Variants in EPHB4 observed in about 807,000 individuals in gnomAD.
EPHB4 encodes the protein EPH receptor B4, also known as ephrin type-B receptor 4.
EPHB4 carries 50 observed loss-of-function variants against 110.6 expected under a neutral mutation model. The ratio of observed to expected loss-of-function variants is 0.45; its 90% CI spans 0.36 to 0.57. The LOEUF (loss-of-function observed/expected upper bound fraction) is 0.57. Among genes scored for constraint, EPHB4 ranks in the 20% least tolerant of loss-of-function variants. The probability of loss-of-function intolerance (pLI) is 0.00; values close to 1 mark genes in which losing one functional copy is unlikely to be tolerated. For synonymous variants in EPHB4, 592 were observed against 578.4 expected (o/e 1.02, Z -0.34); for missense variants, 1,128 against 1,382.1 (o/e 0.82, Z 2.91).
chr7:100,826,253 C>A (rs1562975875), intron 1 of EPHB4, among the ~76,000 whole-genome samples: 1 of 151,904 alleles, frequency 6.6e-6, no homozygotes, highest in Non-Finnish European at 1.5e-5. Flanking sequence ...TTAGTTAGGG[C>A]GATGTGGGGG....
chr7:100,822,688 C>G lies in EPHB4; in HGVS notation c.412-21G>C. Reference sequence around the variant, plus strand: ...TCCACCTGCCGGCGGGGGGGAGGCACACCGCTGCTGTCCCCACTCCCTGAG... The same window carrying G: ...TCCACCTGCCGGCGGGGGGGAGGCAGACCGCTGCTGTCCCCACTCCCTGAG... On this transcript the variant is annotated intron_variant, in intron 3 of 16. Transcript: ENST00000358173. This position sits in a 1 kb window ranked among gnomAD's most constrained non-coding sequence, Gnocchi z 4.7. The G allele has an allele frequency of 6.6e-7, 1 of 1,524,796 alleles. No individual in the cohort carries two copies. The highest frequency in any genetic ancestry group is 8.8e-7 in the Non-Finnish European group (1 of 1,131,786). 94.5% of individuals were successfully genotyped at this position (1,524,796 alleles called of 1,614,324 possible). A position where few individuals can be genotyped will look rare whatever the true frequency, so the allele number is the denominator to read the frequency against.
chr7:100,825,449 C>CGCAGCCCAGAGCA (rs1488551350), intron 1 of EPHB4: 1 of 152,252 alleles, frequency 6.6e-6, no homozygotes, highest in East Asian at 1.9e-4. Flanking sequence ...TCGGGCTGTC[C>CGCAGCCCAGAGCA]GCAGCCCAGA....
At chr7:100,816,058 G>A (rs984033702) in intron 8 of EPHB4, among the ~76,000 whole-genome samples, 1 of 151,854 alleles carries the variant, frequency 6.6e-6, no homozygotes, top group Admixed American at 6.6e-5. Context: ...GGAAGCCGAG[G>A]CGGGTGGATC....
At chr7:100,823,119 T>TA (rs1813280412) in intron 3 of EPHB4, among the ~76,000 whole-genome samples, 1 of 152,050 alleles carries the variant, frequency 6.6e-6, no homozygotes, top group Non-Finnish European at 1.5e-5. Flanking sequence ...GACCCCGCTT[T>TA]AAAAATATAG....
At position 100,827,071 on chromosome 7, in the gene EPHB4, G is replaced by A; in HGVS notation, c.-41C>T. 1 of 1,554,488 alleles carries A rather than the reference G, an allele frequency of 6.4e-7. No homozygotes were observed. ...GGGTAGGATCCGAACTGAGTTTGGG[G>A]GGCCCTCGCCCCCCCAGGTCTGACT... is the stretch of plus-strand genomic sequence containing the variant. On this transcript the variant is annotated 5_prime_UTR_variant, in exon 1 of 17. Coordinates refer to ENST00000358173, the MANE Select transcript of EPHB4 (RefSeq NM_004444.5).
intron 12 of EPHB4, among the ~76,000 whole-genome samples, chr7:100,808,877 C>T (rs1017895614): frequency 5.9e-5 from 9 of 152,204 alleles, no homozygotes; most frequent in Non-Finnish European, 1.2e-4. Flanking sequence ...GGCAACACCA[C>T]CACTTGCCAG....
rs976435393 is a variant in EPHB4, at chr7:100,822,127, A to G, written c.808+144T>C. The G allele has an allele frequency of 2.9e-5, 35 of 1,210,894 alleles. 1 individual carries two copies. The highest frequency in any genetic ancestry group is 1.6e-4 in the South Asian group (10 of 62,942). The allele number at this position is 1,210,894 out of a possible 1,614,324, so 75.0% of individuals were successfully genotyped here. On this transcript the variant is annotated intron_variant, in intron 4 of 16. Coordinates refer to ENST00000358173, the MANE Select transcript of EPHB4 (RefSeq NM_004444.5). The surrounding 1 kb of genome is among the most constrained non-coding windows in gnomAD (Gnocchi z 4.7). ...GTTGCAGTTGAGCAGAGATTGTGCC[A>G]CTGCACTCCAGCCTGGGTGACAGAG...
rs368384954 is a variant in EPHB4, at chr7:100,814,025, C to T, written c.1589-4G>A. On this transcript the variant is annotated splice_polypyrimidine_tract_variant and splice_region_variant and intron_variant, in intron 8 of 16. Transcript: ENST00000358173. ...TGCTCCCGCCAGCCCTCGCTCTCTG[C>T]GGAAGGAAAGGCTGCTGATCAGGAG... 133 of 1,613,472 alleles carry T rather than the reference C, an allele frequency of 8.2e-5. 1 individual carries two copies. In the Middle Eastern group the frequency reaches 3.1e-3, roughly 38 times the overall value.
intron 16 of EPHB4, among the ~76,000 whole-genome samples, chr7:100,804,144 GCAC>G (rs1331053442): frequency 6.6e-6 from 1 of 151,970 alleles, no homozygotes; most frequent in Non-Finnish European, 1.5e-5. Flanking sequence ...CCACAGGCAC[GCAC>G]CACCATGCCC....
In EPHB4 at chr7:100,805,235, C is replaced by T; in HGVS notation, c.2765G>A (p.Gly922Glu). The change falls in exon 16 of 17, where the codon GGA (glycine) becomes GAA (glutamate). Residue 922 changes from glycine to glutamate, a missense_variant. Gly to Glu is a moderately conservative substitution (Grantham distance 98). This residue lies in a region of EPHB4 where 209 missense variants were observed against 240.5 expected (regional missense o/e 0.87). Coordinates refer to ENST00000358173, the MANE Select transcript of EPHB4 (RefSeq NM_004444.5). ...VGEWLRAIKMGRYEESFAAAG... is the reference protein window; with the variant it reads ...VGEWLRAIKMERYEESFAAAG... ...GGCTGCGAAACTTTCTTCGTATCTTCCCATTTTGATGGCCCGAAGCCACTC... is the reference window on the plus strand; with the variant it reads ...GGCTGCGAAACTTTCTTCGTATCTTTCCATTTTGATGGCCCGAAGCCACTC... The T allele has an allele frequency of 6.2e-7, 1 of 1,613,584 alleles. No individual in the cohort carries two copies. Among genetic ancestry groups the T allele is most frequent in the Non-Finnish European group, 8.5e-7 (1 of 1,179,824 alleles).
At position 100,813,684 on chromosome 7, in the gene EPHB4, G is replaced by A. The variant is rs60537976; in HGVS notation, c.1724C>T (p.Ser575Leu). 16 of 1,613,962 alleles carry A rather than the reference G, an allele frequency of 9.9e-6. No homozygotes were observed. Among genetic ancestry groups the A allele is most frequent in the East Asian group, 2.2e-5 (1 of 44,886 alleles). The stretch of plus-strand genomic sequence containing the variant: ...GATGAGATACTGTCCGTGTTTGTCC[G>A]AATATTCTGCTTCTCTCCCATTGCT... ...KQSNGREAEY[S>L]DKHGQYLIGH... Residue 575 changes from serine to leucine, a missense_variant, in exon 10 of 17, where the codon TCG becomes TTG. By Grantham distance (145) the Ser-to-Leu change is moderately radical. This residue lies in a region of EPHB4 where 728 missense variants were observed against 828.6 expected (regional missense o/e 0.88). Transcript: ENST00000358173.
In EPHB4 at chr7:100,823,804, A is replaced by ACGG. The variant is rs1813303324; in HGVS notation, c.248_250dup (p.Ala83dup). The ACGG allele has an allele frequency of 6.2e-7, 1 of 1,613,212 alleles. No individual in the cohort carries two copies. The highest frequency in any genetic ancestry group is 1.7e-5 in the Admixed American group (1 of 60,016). On this transcript the variant is annotated inframe_insertion, in exon 3 of 17. Coordinates refer to ENST00000358173, the MANE Select transcript of EPHB4 (RefSeq NM_004444.5). ...GAAGCGCAGCGTGGCGTACACGTGG[A>ACGG]CGGCGCCCCGCCGTGGGACCCAACC...
At chr7:100,826,453 G>A (rs1354659680) in intron 1 of EPHB4, among the ~76,000 whole-genome samples, 2 of 152,054 alleles carry the variant, frequency 1.3e-5, no homozygotes, top group Non-Finnish European at 2.9e-5. Context: ...AGCGGTTTGG[G>A]GGTTTGCTGT....
At chr7:100,809,403 A>G (rs1268065363) in intron 12 of EPHB4, among the ~76,000 whole-genome samples, 1 of 151,500 alleles carries the variant, frequency 6.6e-6, no homozygotes, top group Non-Finnish European at 1.5e-5. Context: ...CACTGTGCCC[A>G]GCTGGGATCC....
intron 6 of EPHB4, 66 bp downstream of exon 6, chr7:100,819,491 C>A (rs994683365): frequency 6.7e-7 from 1 of 1,496,968 alleles, no homozygotes; most frequent in Admixed American, 2.2e-5. Context: ...CCCTGCCTCT[C>A]CCCTTCAGGC....
intron 13 of EPHB4, 98 bp from the exon 14 acceptor site, chr7:100,806,667 C>T: frequency 7.1e-7 from 1 of 1,415,504 alleles, no homozygotes; most frequent in Non-Finnish European, 9.5e-7. Flanking sequence ...TCTGCTTTTT[C>T]CCCCTAGCTC....
chr7:100,805,181 C>T lies in EPHB4; in HGVS notation c.2819G>A (p.Ser940Asn), dbSNP rs779012015. ...CACTGCTTACTCAGCAGAGATCTGGCTGACCAGCTCGAAGGAGCCAAAGCC... is the reference window on the plus strand; with the variant it reads ...CACTGCTTACTCAGCAGAGATCTGGTTGACCAGCTCGAAGGAGCCAAAGCC... ...AAGFGSFELVSQISAEDLLRI... is the reference protein window; with the variant it reads ...AAGFGSFELVNQISAEDLLRI... The change falls in exon 16 of 17, where the codon AGC (serine) becomes AAC (asparagine). Residue 940 changes from serine (S) to asparagine (N), a missense_variant. Coordinates refer to ENST00000358173, the MANE Select transcript of EPHB4 (RefSeq NM_004444.5). 1 of 1,612,900 alleles carries T rather than the reference C, an allele frequency of 6.2e-7. No homozygotes were observed.
At chr7:100,823,068 CTT>C (rs1248715176) in intron 3 of EPHB4, among the ~76,000 whole-genome samples, 1 of 152,146 alleles carries the variant, frequency 6.6e-6, no homozygotes, top group African/African-American at 2.4e-5. Flanking sequence ...GGAGAAATCT[CTT>C]GAGCCCAGGA....
Position 100,803,498 on chromosome 7 carries a change from G to A in EPHB4, c.2927C>T (p.Thr976Ile). 6.3e-7 allele frequency: 1 copy of A among 1,585,958 alleles called. No individual in the cohort carries two copies. The change falls in exon 17 of 17, where the codon ACC (threonine) becomes ATC (isoleucine). Residue 976 changes from threonine to isoleucine, a missense_variant. By Grantham distance (89) the Thr-to-Ile change is moderately conservative. This residue lies in a region of EPHB4 where 209 missense variants were observed against 240.5 expected (regional missense o/e 0.87). Coordinates refer to ENST00000358173, the MANE Select transcript of EPHB4 (RefSeq NM_004444.5). ...QHMKSQAKPG[T>I]PGGTGGPAPQ... ...GGCCGGTCCTCCTGTCCCACCCGGG[G>A]TTCCCGGCTTGGCCTGGGACTTCAT...
Sources: gnomAD v4.1 joint callset for allele counts (sites outside exome capture counted in the v4.1 genomes callset) on GRCh38, gnomAD v4.1.1 for gene constraint, gnomAD v4.1.1 regional missense constraint, Gnocchi (gnomAD v3.1) non-coding constraint, MANE v1.5 for transcripts, NCBI Gene and HGNC (gene_info 2026-07-23, HGNC 2026-07-21) for gene names.